SPAG16: variants seen among roughly 807,000 people sequenced by gnomAD.
The protein encoded by SPAG16 is sperm associated antigen 16.
In SPAG16, 86 loss-of-function variants were observed where a neutral mutation model predicts 80.4. The observed-to-expected ratio is 1.07, with a 90% CI of 0.90 to 1.28. SPAG16 has a LOEUF of 1.28. Ranked by LOEUF, SPAG16 falls within the 50% of genes most tolerant of loss-of-function variation. The pLI, the probability that SPAG16 is intolerant of heterozygous loss-of-function variation, is 0.00. For missense variants in SPAG16, 870 were observed against 765.3 expected (o/e 1.14, Z -1.61); for synonymous variants, 294 against 265.9 (o/e 1.11, Z -1.03).
At chr2:214,091,304 C>T (rs59985368) in intron 13 of SPAG16, among the ~76,000 whole-genome samples, 2,999 of 152,132 alleles carry the variant, frequency 0.02, 102 homozygotes, top group African/African-American at 0.069. Flanking sequence ...ACTACTAATA[C>T]TACTCCATTT....
intron 10 of SPAG16, among the ~76,000 whole-genome samples, chr2:213,848,138 G>A (rs2074723076): frequency 6.6e-6 from 1 of 152,190 alleles, no homozygotes; most frequent in South Asian, 2.1e-4. Flanking sequence ...TACCTGTGGA[G>A]TCACTCCTGT....
chr2:213,458,941 A>G (rs1432175766), intron 9 of SPAG16, among the ~76,000 whole-genome samples: 2 of 151,996 alleles, frequency 1.3e-5, no homozygotes, highest in Non-Finnish European at 2.9e-5. Flanking sequence ...TTTTGAATTT[A>G]TGTGTTGATG....
intron 9 of SPAG16, among the ~76,000 whole-genome samples, chr2:213,407,936 G>T (rs1331892054): frequency 1.0e-4 from 13 of 126,164 alleles, no homozygotes; most frequent in African/African-American, 4.1e-4. Context: ...AGAGAGGAGA[G>T]AGGCAGAGAG....
At chr2:213,633,654 T>G (rs941325193) in intron 10 of SPAG16, among the ~76,000 whole-genome samples, 13 of 152,150 alleles carry the variant, frequency 8.5e-5, no homozygotes, top group African/African-American at 2.9e-4. Flanking sequence ...GTATTGGGAC[T>G]ATCTCTCTCT....
chr2:213,671,168 A>C (rs2063799095), intron 10 of SPAG16, among the ~76,000 whole-genome samples: 1 of 152,208 alleles, frequency 6.6e-6, no homozygotes, highest in South Asian at 2.1e-4. Flanking sequence ...GAAAAATATG[A>C]TATATTAAAA....
At chr2:213,626,543 T>G (rs2061965671) in intron 10 of SPAG16, among the ~76,000 whole-genome samples, 1 of 152,098 alleles carries the variant, frequency 6.6e-6, no homozygotes, top group Admixed American at 6.6e-5. Flanking sequence ...AAATTTAAAT[T>G]TAGACAGTCT....
chr2:213,831,671 C>T (rs1024050115), intron 10 of SPAG16, among the ~76,000 whole-genome samples: 1 of 152,100 alleles, frequency 6.6e-6, no homozygotes, highest in African/African-American at 2.4e-5. Context: ...CTAAAGCCTG[C>T]AAATCCCCTT....
At chr2:214,289,478 A>G (rs1035586232) in intron 15 of SPAG16, among the ~76,000 whole-genome samples, 77 of 152,298 alleles carry the variant, frequency 5.1e-4, no homozygotes, top group African/African-American at 1.4e-3. Flanking sequence ...AGAACCGTTT[A>G]TTGAAGAGGA....
At chr2:214,070,603 C>T (rs781047618) in intron 13 of SPAG16, among the ~76,000 whole-genome samples, 55 of 151,914 alleles carry the variant, frequency 3.6e-4, no homozygotes, top group Non-Finnish European at 6.8e-4. Context: ...GGAATATTTC[C>T]TCACCTAGTA....
At chr2:213,504,121 T>A (rs949247318) in intron 10 of SPAG16, among the ~76,000 whole-genome samples, 1 of 152,174 alleles carries the variant, frequency 6.6e-6, no homozygotes, top group East Asian at 1.9e-4. Flanking sequence ...GTGGAATGAT[T>A]GTTTGTGACT....
rs556739670 is a variant in SPAG16 at position 213,658,476 on chromosome 2, C to T, written c.1070+168386C>T. 1.6e-4 allele frequency among the ~76,000 whole-genome samples: 25 copies of T among 152,254 alleles called. No individual in the cohort carries two copies. The South Asian group carries it at 5.2e-3, about 32-fold the overall frequency. ...GACATCTATCTTCTTTATCCCTGTA[C>T]CTTAAGGAGCAAGCATTTAATGAGC... On this transcript the variant is annotated intron_variant, in intron 10 of 15. Transcript: ENST00000331683.
At chr2:214,278,163 C>T (rs529375226) in intron 15 of SPAG16, among the ~76,000 whole-genome samples, 124 of 152,102 alleles carry the variant, frequency 8.2e-4, no homozygotes, top group Non-Finnish European at 1.4e-3. Context: ...TTTGCTAAGA[C>T]GGTTGGAAAA....
Position 213,584,653 on chromosome 2 carries a change from C to T in SPAG16, c.1070+94563C>T, listed in dbSNP as rs571170699. On this transcript the variant is annotated intron_variant, in intron 10 of 15. Transcript: ENST00000331683. ...AAGGAAGGAAGGATGAACGGACAGA[C>T]GGACGGATGGACGGGAGGAAGTGAG... Among the ~76,000 whole-genome samples, 9 of 151,978 alleles carry T rather than the reference C, an allele frequency of 5.9e-5. No homozygotes were observed. In the South Asian group the frequency reaches 6.2e-4, roughly 11 times the overall value.
At chr2:213,702,722 A>G (rs1262924834) in intron 10 of SPAG16, among the ~76,000 whole-genome samples, 1 of 152,222 alleles carries the variant, frequency 6.6e-6, no homozygotes, top group African/African-American at 2.4e-5. Context: ...GTGAATTACA[A>G]GGGAGTGTAA....
chr2:213,371,318 T>G (rs1334294540), intron 8 of SPAG16, among the ~76,000 whole-genome samples: 1 of 138,864 alleles, frequency 7.2e-6, no homozygotes, highest in East Asian at 2.1e-4. Context: ...GACAAGAGAA[T>G]CACTTGAACC....
At chr2:213,330,222 A>G (rs1232480177) in intron 5 of SPAG16, among the ~76,000 whole-genome samples, 2 of 152,094 alleles carry the variant, frequency 1.3e-5, no homozygotes, top group African/African-American at 4.8e-5. Flanking sequence ...TATCCGTTAT[A>G]CCCCAGAATG....
intron 11 of SPAG16, among the ~76,000 whole-genome samples, chr2:213,896,514 C>T (rs1204380547): frequency 6.6e-6 from 1 of 150,662 alleles, no homozygotes; most frequent in Non-Finnish European, 1.5e-5. Flanking sequence ...ACACTATTCA[C>T]AGTAGCCAAA....
At chr2:213,344,350 G>C (rs1351123186) in intron 6 of SPAG16, among the ~76,000 whole-genome samples, 1 of 151,988 alleles carries the variant, frequency 6.6e-6, no homozygotes, top group Non-Finnish European at 1.5e-5. Context: ...GACCACCCTA[G>C]AAGTGAATCA....
intron 10 of SPAG16, among the ~76,000 whole-genome samples, chr2:213,852,410 G>A (rs553926639): frequency 7.9e-5 from 12 of 152,188 alleles, no homozygotes; most frequent in African/African-American, 2.4e-4. Context: ...AAATTTAGTC[G>A]TCTTTCTTCA....
Sources: allele counts gnomAD v4.1 joint callset (sites outside exome capture counted in the v4.1 genomes callset), GRCh38; gene constraint gnomAD v4.1.1; transcripts MANE v1.5; gene names NCBI Gene and HGNC (gene_info 2026-07-23, HGNC 2026-07-21).